Variants in NAALADL2 observed in about 807,000 individuals in gnomAD.
NAALADL2 encodes the protein N-acetylated alpha-linked acidic dipeptidase like 2, also known as inactive N-acetylated-alpha-linked acidic dipeptidase-like protein 2.
NAALADL2 carries 76 observed loss-of-function variants against 87.2 expected under a neutral mutation model. That is an observed-to-expected ratio of 0.87 (90% CI 0.72 to 1.05). The LOEUF is 1.05. Ranked by LOEUF, NAALADL2 falls within the 50% of genes least tolerant of loss-of-function variation. NAALADL2 has a pLI of 0.00. For missense variants in NAALADL2, 1,089 were observed against 945.8 expected, an observed-to-expected ratio of 1.15 and a Z score of -1.99; for synonymous variants, 354 against 331.0, an observed-to-expected ratio of 1.07 and a Z score of -0.75.
At chr3:174,748,448 T>C (rs1269129345) in intron 3 of NAALADL2, among the ~76,000 whole-genome samples, 1 of 151,346 alleles carries the variant, frequency 6.6e-6, no homozygotes, top group Non-Finnish European at 1.5e-5. Context: ...GTACCTTTAT[T>C]TTTAGCCTTG....
intron 1 of NAALADL2, among the ~76,000 whole-genome samples, chr3:174,466,568 T>C (rs775824648): frequency 1.3e-5 from 2 of 152,198 alleles, no homozygotes. Flanking sequence ...TGTTGTTTGA[T>C]AGTACTGTCT....
intron 1 of NAALADL2, among the ~76,000 whole-genome samples, chr3:174,859,783 T>G (rs1726252463): frequency 6.6e-6 from 1 of 152,188 alleles, no homozygotes; most frequent in Admixed American, 6.6e-5. Flanking sequence ...TGCATTTTCA[T>G]GTTGGACCTT....
chr3:175,106,069 C>A (rs1723104109), intron 2 of NAALADL2, among the ~76,000 whole-genome samples: 1 of 152,016 alleles, frequency 6.6e-6, no homozygotes, highest in Admixed American at 6.6e-5. Flanking sequence ...TCAAAGGATT[C>A]CATCTCTCTT....
At chr3:174,709,655 AT>A in intron 2 of NAALADL2, among the ~76,000 whole-genome samples, 1 of 152,314 alleles carries the variant, frequency 6.6e-6, no homozygotes, top group African/African-American at 2.4e-5. Context: ...AAAAATGTTT[AT>A]AGACTGGAGA....
At chr3:175,621,553 G>A (rs1726235685) in intron 10 of NAALADL2, among the ~76,000 whole-genome samples, 3 of 151,976 alleles carry the variant, frequency 2.0e-5, no homozygotes, top group Admixed American at 1.3e-4. Flanking sequence ...TTCTCCATGC[G>A]GAAATACGGT....
intron 2 of NAALADL2, among the ~76,000 whole-genome samples, chr3:175,207,528 A>G (rs1051654424): frequency 6.6e-6 from 1 of 152,072 alleles, no homozygotes; most frequent in Non-Finnish European, 1.5e-5. Context: ...ACTCATTTGT[A>G]TATTTTGGTC....
chr3:175,624,818 C>T (rs1482500223), intron 10 of NAALADL2, among the ~76,000 whole-genome samples: 2 of 151,944 alleles, frequency 1.3e-5, no homozygotes, highest in African/African-American at 4.8e-5. Context: ...AAATGATTCA[C>T]ATTTTTAAGA....
chr3:174,742,383 C>T (rs73048139), intron 3 of NAALADL2, among the ~76,000 whole-genome samples: 263 of 151,736 alleles, frequency 1.7e-3, no homozygotes, highest in African/African-American at 6.0e-3. Context: ...TTTTTTACAT[C>T]AGTTTATTTC....
At chr3:174,684,080 G>T (rs1727809746) in intron 2 of NAALADL2, among the ~76,000 whole-genome samples, 1 of 151,598 alleles carries the variant, frequency 6.6e-6, no homozygotes, top group Non-Finnish European at 1.5e-5. Flanking sequence ...TGGCATTTCA[G>T]CCAATCTTTT....
chr3:175,576,207 G>A lies in NAALADL2; in HGVS notation c.1800+20G>A. On this transcript the variant is annotated intron_variant, in intron 10 of 13. Coordinates refer to ENST00000454872, the MANE Select transcript of NAALADL2 (RefSeq NM_207015.3). ...TTAGAGGTGATTGTTCCTAAAAAAT[G>A]CAAAACACACACACACAATATAGTA... 1 of 1,606,064 alleles carries A rather than the reference G, an allele frequency of 6.2e-7. No homozygotes were observed. Among genetic ancestry groups the A allele is most frequent in the Middle Eastern group, 1.7e-4 (1 of 6,012 alleles).
At chr3:175,012,318 C>G (rs1471433732) in intron 1 of NAALADL2, among the ~76,000 whole-genome samples, 1 of 149,956 alleles carries the variant, frequency 6.7e-6, no homozygotes, top group Non-Finnish European at 1.5e-5. Context: ...GTATATGCCA[C>G]CAGGCCTGGC....
At position 175,314,696 on chromosome 3, in the gene NAALADL2, A is replaced by ATATATAGTTCTAAC. The variant is rs1553857597; in HGVS notation, c.940-9473_940-9472insGTTCTAACTATATA. 6.9e-3 allele frequency among the ~76,000 whole-genome samples: 610 copies of ATATATAGTTCTAAC among 87,826 alleles called. 40 individuals are homozygous for ATATATAGTTCTAAC. The highest frequency in any genetic ancestry group is 0.017 in the African/African-American group (363 of 21,434). 57.6% of individuals were successfully genotyped at this position (87,826 alleles called of 152,430 possible). Reference sequence around the variant, plus strand: ...TATATATATATATATATATATATATATATATATATATATATATATATATAT... The same window carrying ATATATAGTTCTAAC: ...TATATATATATATATATATATATATATATATAGTTCTAACTATATATATATATATATATATATAT... On this transcript the variant is annotated intron_variant, in intron 4 of 13. Coordinates refer to ENST00000454872, the MANE Select transcript of NAALADL2 (RefSeq NM_207015.3).
intron 1 of NAALADL2, among the ~76,000 whole-genome samples, chr3:175,056,127 G>T (rs113940650): frequency 6.6e-6 from 1 of 151,818 alleles, no homozygotes; most frequent in Non-Finnish European, 1.5e-5. Context: ...AGTGTCCTCC[G>T]GAAAAGAAAG....
At chr3:174,518,550 C>G (rs1315209854) in intron 1 of NAALADL2, among the ~76,000 whole-genome samples, 1 of 152,146 alleles carries the variant, frequency 6.6e-6, no homozygotes, top group Non-Finnish European at 1.5e-5. Flanking sequence ...AACCCTGCTT[C>G]ACATCTTTCA....
intron 11 of NAALADL2, among the ~76,000 whole-genome samples, chr3:175,669,810 T>A (rs1486333007): frequency 6.6e-6 from 1 of 151,934 alleles, no homozygotes; most frequent in East Asian, 1.9e-4. Flanking sequence ...CTATTACTAT[T>A]TCACTATTGA....
At chr3:175,767,570 G>A (rs1179418631) in intron 13 of NAALADL2, 2 of 152,030 alleles carry the variant, frequency 1.3e-5, no homozygotes, top group Non-Finnish European at 2.9e-5. Flanking sequence ...GCTCACTTTG[G>A]TATCACATAT....
At chr3:174,961,591 C>G (rs58809360) in intron 1 of NAALADL2, among the ~76,000 whole-genome samples, 2,706 of 150,630 alleles carry the variant, frequency 0.018, 77 homozygotes, top group African/African-American at 0.062. Context: ...ATTCAAGTAC[C>G]TTATCTTCAA....
chr3:175,020,977 G>T (rs956511664), intron 1 of NAALADL2, among the ~76,000 whole-genome samples: 6 of 152,046 alleles, frequency 3.9e-5, no homozygotes, highest in African/African-American at 1.4e-4. Flanking sequence ...GAGGAGGAGA[G>T]ACTGTCATTT....
At chr3:175,130,928 C>G (rs1328884484) in intron 2 of NAALADL2, among the ~76,000 whole-genome samples, 1 of 152,088 alleles carries the variant, frequency 6.6e-6, no homozygotes, top group Non-Finnish European at 1.5e-5. Context: ...ATTATTTTTT[C>G]TATTTCTGTG....
Sources: gnomAD v4.1 joint callset for allele counts (sites outside exome capture counted in the v4.1 genomes callset) on GRCh38, gnomAD v4.1.1 for gene constraint, MANE v1.5 for transcripts, NCBI Gene and HGNC (gene_info 2026-07-23, HGNC 2026-07-21) for gene names.